CABIN1: variants seen among roughly 807,000 people sequenced by gnomAD.
CABIN1 encodes the protein calcineurin binding protein 1, also known as calcineurin-binding protein cabin-1.
CABIN1 carries 133 observed loss-of-function variants against 227.7 expected under a neutral mutation model. The ratio of observed to expected loss-of-function variants is 0.58; its 90% CI spans 0.51 to 0.67. CABIN1 has a LOEUF of 0.67. CABIN1 is among the 30% of genes least tolerant of loss of function. CABIN1 has a pLI of 0.00. For synonymous variants in CABIN1, 1,086 were observed against 1,155.1 expected, an observed-to-expected ratio of 0.94 and a Z score of 1.21; for missense variants, 2,408 against 2,852.5, an observed-to-expected ratio of 0.84 and a Z score of 3.55.
At chr22:24,090,781 T>C (rs924681014) in intron 23 of CABIN1, among the ~76,000 whole-genome samples, 2 of 152,050 alleles carry the variant, frequency 1.3e-5, no homozygotes, top group Non-Finnish European at 2.9e-5. Flanking sequence ...AAGAAGAGAC[T>C]TTGGCTTCCC....
chr22:24,072,399 C>T lies in CABIN1; in HGVS notation c.2521C>T (p.His841Tyr). ...MAVQEEAKEP[H>Y]VSSVLPWIIL... ...TGTGCAGGAGGAGGCCAAGGAGCCCCACGTCTCTTCAGTGCTACCCTGGAT... is the reference window on the plus strand; with the variant it reads ...TGTGCAGGAGGAGGCCAAGGAGCCCTACGTCTCTTCAGTGCTACCCTGGAT... The change falls in exon 18 of 37, where the codon CAC (histidine) becomes TAC (tyrosine). Residue 841 changes from histidine to tyrosine, a missense_variant. Transcript: ENST00000263119. The T allele has an allele frequency of 6.2e-7, 1 of 1,614,168 alleles. No individual in the cohort carries two copies. The highest frequency in any genetic ancestry group is 8.5e-7 in the Non-Finnish European group (1 of 1,180,010).
intron 8 of CABIN1, among the ~76,000 whole-genome samples, chr22:24,052,741 G>T (rs2038440722): frequency 6.7e-6 from 1 of 149,864 alleles, no homozygotes; most frequent in Admixed American, 6.7e-5. Flanking sequence ...AGTGAGCTGT[G>T]ATGGCACCAC....
chr22:24,084,422 T>A (rs2041011926), intron 20 of CABIN1, among the ~76,000 whole-genome samples, 157 bp from the exon 21 acceptor site: 1 of 145,562 alleles, frequency 6.9e-6, no homozygotes, highest in Non-Finnish European at 1.5e-5. Context: ...TAGTGCAGAT[T>A]TTTTTTTTTT....
intron 24 of CABIN1, chr22:24,092,150 T>C: frequency 2.3e-6 from 1 of 436,302 alleles, no homozygotes; most frequent in Non-Finnish European, 4.2e-6. Context: ...ACATAGCATC[T>C]CCCAGGCCCA....
At chr22:24,050,400 C>T (rs1436312129) in intron 7 of CABIN1, among the ~76,000 whole-genome samples, 1 of 152,156 alleles carries the variant, frequency 6.6e-6, no homozygotes, top group Non-Finnish European at 1.5e-5. Context: ...AGCCCCTGCC[C>T]TTTCTGTATT....
At chr22:24,109,403 C>T (rs925158532) in intron 26 of CABIN1, among the ~76,000 whole-genome samples, 6 of 151,006 alleles carry the variant, frequency 4.0e-5, no homozygotes, top group Non-Finnish European at 5.9e-5. Flanking sequence ...TTTGTACAGA[C>T]GGGCATCTCC....
rs143095272 is a variant in CABIN1 at position 24,164,549 on chromosome 22, C to A, written c.4896C>A (p.Thr1632=). The change falls in exon 30 of 37, where the codon ACC becomes ACA. Residue 1632 remains threonine (T), a synonymous_variant. Transcript: ENST00000263119. ...AGGTGTCCTCCATGCTTCAGCGGAC[C>A]CCAGACCAGGGCAAGTGAGTGCAGC... ...LLKVSSMLQR[T]PDQGKKYLRD... is the part of the protein sequence containing the mutation. 35 of 1,604,676 alleles carry A rather than the reference C, an allele frequency of 2.2e-5. No homozygotes were observed. The African/African-American group carries it at 3.7e-4, about 17-fold the overall frequency.
chr22:24,137,745 T>A (rs962662761), intron 29 of CABIN1, among the ~76,000 whole-genome samples: 1 of 152,258 alleles, frequency 6.6e-6, no homozygotes, highest in African/African-American at 2.4e-5. Context: ...AGTTCCTGAA[T>A]GCTTTCAGCA....
intron 1 of CABIN1, among the ~76,000 whole-genome samples, chr22:24,022,157 C>G (rs2035770427): frequency 6.6e-6 from 1 of 151,512 alleles, no homozygotes; most frequent in African/African-American, 2.4e-5. Context: ...ATTATTTGAC[C>G]TTTTTTGGAG....
At chr22:24,028,510 G>A (rs992502218) in intron 1 of CABIN1, among the ~76,000 whole-genome samples, 5 of 152,170 alleles carry the variant, frequency 3.3e-5, no homozygotes, top group Admixed American at 2.6e-4. Context: ...GTGAATGATG[G>A]ATGCTGGTCG....
At chr22:24,013,197 CTT>C (rs35584227) in intron 1 of CABIN1, among the ~76,000 whole-genome samples, 2 of 113,502 alleles carry the variant, frequency 1.8e-5, no homozygotes, top group Admixed American at 1.2e-4. Context: ...TCTTTTTAAG[CTT>C]TTTTTTTTTT....
At chr22:24,157,828 A>G (rs2045926306) in intron 29 of CABIN1, among the ~76,000 whole-genome samples, 1 of 152,154 alleles carries the variant, frequency 6.6e-6, no homozygotes, top group Non-Finnish European at 1.5e-5. Context: ...GGCTGGAACC[A>G]GGAGGAAGTT....
Position 24,063,130 on chromosome 22 carries a change from G to T in CABIN1, c.1868G>T (p.Arg623Leu), listed in dbSNP as rs747522153. ...FVVRVYWLKA[R>L]FLALQGDMEQ... is the part of the protein sequence containing the mutation. ...GTCCGTGTTTACTGGCTGAAGGCTCGCTTCCTGGCGCTGCAGGTTAGTTCC... is the reference window on the plus strand; with the variant it reads ...GTCCGTGTTTACTGGCTGAAGGCTCTCTTCCTGGCGCTGCAGGTTAGTTCC... Residue 623 changes from arginine to leucine, a missense_variant, in exon 14 of 37, where the codon CGC (arginine) becomes CTC (leucine). Arg to Leu is a moderately radical substitution (Grantham distance 102). This residue lies in a region of CABIN1 where 1,045 missense variants were observed against 1,168.4 expected (regional missense o/e 0.89). Coordinates refer to ENST00000263119, the MANE Select transcript of CABIN1 (RefSeq NM_012295.4). The T allele has an allele frequency of 7.4e-6, 12 of 1,613,996 alleles. No homozygotes were observed. Among genetic ancestry groups the T allele is most frequent in the Non-Finnish European group, 9.3e-6 (11 of 1,179,990 alleles).
intron 23 of CABIN1, among the ~76,000 whole-genome samples, chr22:24,091,380 C>T (rs1311036624): frequency 6.6e-6 from 1 of 152,158 alleles, no homozygotes; most frequent in Non-Finnish European, 1.5e-5. Context: ...CTATGCCTTG[C>T]TTGGTGGGCG....
chr22:24,072,510 G>A lies in CABIN1; in HGVS notation c.2632G>A (p.Gly878Arg). ...GCAGCTCCAAAACCCAGCGGAGGAA[G>A]GTGCACAGGCAGTGGGTGCAGTGGG... is the stretch of plus-strand genomic sequence containing the variant. ...QQQLQNPAEE[G>R]MSETPMLPSS... The change falls in exon 18 of 37, where the codon GGG becomes AGG. Residue 878 changes from glycine to arginine, a missense_variant and splice_region_variant. By Grantham distance (125) the Gly-to-Arg change is moderately radical (BLOSUM62 -2). Transcript: ENST00000263119. The A allele has an allele frequency of 1.2e-6, 2 of 1,614,140 alleles. No homozygotes were observed. The highest frequency in any genetic ancestry group is 1.7e-6 in the Non-Finnish European group (2 of 1,180,020).
At chr22:24,168,718 A>T (rs1432885712) in intron 33 of CABIN1, among the ~76,000 whole-genome samples, 197 bp downstream of exon 33, 5 of 152,220 alleles carry the variant, frequency 3.3e-5, no homozygotes, top group Non-Finnish European at 7.3e-5. Flanking sequence ...CCCAGACCCC[A>T]GTTCAGACAT....
rs1300181578 is a variant in CABIN1, at chr22:24,171,782, G to A, written c.5827G>A (p.Val1943Met). 1.2e-6 allele frequency: 2 copies of A among 1,614,050 alleles called. No homozygotes were observed. Among genetic ancestry groups the A allele is most frequent in the Non-Finnish European group, 1.7e-6 (2 of 1,180,032 alleles). The change falls in exon 34 of 37, where the codon GTG becomes ATG. Residue 1943 changes from valine to methionine, a missense_variant. By Grantham distance (21) the Val-to-Met change is conservative (BLOSUM62 1). Coordinates refer to ENST00000263119, the MANE Select transcript of CABIN1 (RefSeq NM_012295.4). ...DSRENFFPVT[V>M]VPTAPDPVPA... ...CCGAGAGAACTTCTTTCCTGTGACAGTGGTGCCCACAGCCCCTGACCCTGT... is the reference window on the plus strand; with the variant it reads ...CCGAGAGAACTTCTTTCCTGTGACAATGGTGCCCACAGCCCCTGACCCTGT...
In CABIN1 at chr22:24,178,339, A is replaced by G; in HGVS notation, c.*143A>G. 1 of 1,006,090 alleles carries G rather than the reference A, an allele frequency of 9.9e-7. No individual in the cohort carries two copies. The highest frequency in any genetic ancestry group is 1.5e-6 in the Non-Finnish European group (1 of 683,988). 62.3% of individuals were successfully genotyped at this position (1,006,090 alleles called of 1,614,324 possible). On this transcript the variant is annotated 3_prime_UTR_variant, in exon 37 of 37. Coordinates refer to ENST00000263119, the MANE Select transcript of CABIN1 (RefSeq NM_012295.4). ...CCAGGCCTGCCCAGCCCACCTCCTC[A>G]TGGCATCCTCCCTGTACCCAGGTCA...
chr22:24,176,283 G>T lies in CABIN1; in HGVS notation c.6205+8G>T, dbSNP rs761046449. 6.3e-7 allele frequency: 1 copy of T among 1,593,402 alleles called. No homozygotes were observed. Among genetic ancestry groups the T allele is most frequent in the Non-Finnish European group, 8.5e-7 (1 of 1,172,954 alleles). On this transcript the variant is annotated splice_region_variant and intron_variant, in intron 35 of 36. Transcript: ENST00000263119. ...AGCCCACCTGCAGCCAGGGTAAGGC[G>T]AGTTGGGAGCAGCCCAGCACCAGCC...
Sources: gnomAD v4.1 joint callset for allele counts (sites outside exome capture counted in the v4.1 genomes callset) on GRCh38, gnomAD v4.1.1 for gene constraint, gnomAD v4.1.1 regional missense constraint, MANE v1.5 for transcripts, NCBI Gene and HGNC (gene_info 2026-07-23, HGNC 2026-07-21) for gene names.